Variants in ARPC1A observed in about 807,000 individuals in gnomAD.
ARPC1A encodes the protein actin-related protein 2/3 complex subunit 1A.
Under a neutral mutation model 46.9 loss-of-function variants are expected in ARPC1A, and 8 were observed. The observed-to-expected ratio is 0.17, with a 90% confidence interval of 0.10 to 0.31. The LOEUF is 0.31. Among genes scored for constraint, ARPC1A ranks in the 10% least tolerant of loss-of-function variants. The pLI is 1.00. For synonymous variants in ARPC1A, 152 were observed against 169.0 expected (o/e 0.90, Z 0.78); for missense variants, 286 against 483.6 (o/e 0.59, Z 3.83).
intron 6 of ARPC1A, among the ~76,000 whole-genome samples, chr7:99,355,331 A>G (rs1174814996): frequency 5.3e-5 from 8 of 152,122 alleles, no homozygotes; most frequent in African/African-American, 1.7e-4. Context: ...ACAGACACAA[A>G]TTCTCCGGTT....
chr7:99,338,131 G>C lies in ARPC1A; in HGVS notation c.65-50G>C, dbSNP rs564748361. ...ACAACTGTGACATGTCCCCTTTTTG[G>C]TGACAATTGCAAGTTCAGGTGTTAA... On this transcript the variant is annotated intron_variant, in intron 2 of 9. Transcript: ENST00000262942. 13 of 1,394,554 alleles carry C rather than the reference G, an allele frequency of 9.3e-6. No individual in the cohort carries two copies. The East Asian group carries it at 2.3e-4, about 25-fold the overall frequency. 86.4% of individuals were successfully genotyped at this position (1,394,554 alleles called of 1,614,324 possible).
At chr7:99,358,437 C>T in intron 7 of ARPC1A, 22 bp downstream of exon 7, 1 of 1,605,680 alleles carries the variant, frequency 6.2e-7, no homozygotes, top group South Asian at 1.1e-5. Context: ...TCTTCATTCT[C>T]CCTCGGGGTG....
intron 4 of ARPC1A, 25 bp downstream of exon 4, chr7:99,344,540 A>G (rs756959449): frequency 9.9e-6 from 16 of 1,608,886 alleles, no homozygotes; most frequent in Non-Finnish European, 5.1e-6. Flanking sequence ...AATTTTTTCT[A>G]TCCCTCTCTA....
chr7:99,358,987 T>A (rs1793690774), intron 7 of ARPC1A, among the ~76,000 whole-genome samples: 2 of 151,422 alleles, frequency 1.3e-5, no homozygotes, highest in African/African-American at 2.4e-5. Flanking sequence ...GCCCGCCACC[T>A]CGCCGGGCTA....
At chr7:99,354,244 C>G (rs1277795388) in intron 6 of ARPC1A, 123 bp downstream of exon 6, 3 of 1,144,494 alleles carry the variant, frequency 2.6e-6, no homozygotes, top group Non-Finnish European at 3.6e-6. Flanking sequence ...TTAATCAGGC[C>G]AGGCGTGGTG....
At chr7:99,326,936 C>G (rs1465302700) in intron 1 of ARPC1A, among the ~76,000 whole-genome samples, 1 of 152,190 alleles carries the variant, frequency 6.6e-6, no homozygotes, top group Admixed American at 6.5e-5. Context: ...ATGATAGGCA[C>G]TTAATCAGTT....
At chr7:99,354,889 G>C (rs1032922893) in intron 6 of ARPC1A, among the ~76,000 whole-genome samples, 4 of 151,790 alleles carry the variant, frequency 2.6e-5, no homozygotes, top group African/African-American at 9.7e-5. Context: ...GAGGCGGGCG[G>C]ATCACTTGAG....
chr7:99,350,011 AAAAAACAAAC>A (rs1358558628), intron 5 of ARPC1A, among the ~76,000 whole-genome samples: 3 of 152,152 alleles, frequency 2.0e-5, no homozygotes, highest in East Asian at 1.9e-4. Context: ...ACTCCATCTC[AAAAAACAAAC>A]AAAAACAAAA....
intron 4 of ARPC1A, among the ~76,000 whole-genome samples, chr7:99,345,066 C>T (rs1793424872): frequency 6.6e-6 from 1 of 151,080 alleles, no homozygotes; most frequent in African/African-American, 2.4e-5. Context: ...TCCTGAGTAG[C>T]TGGGATTACA....
At chr7:99,340,388 C>T (rs1055299456) in intron 3 of ARPC1A, among the ~76,000 whole-genome samples, 2 of 152,146 alleles carry the variant, frequency 1.3e-5, no homozygotes, top group African/African-American at 4.8e-5. Context: ...GTCTCAAGCT[C>T]CTGACATCAA....
intron 6 of ARPC1A, among the ~76,000 whole-genome samples, chr7:99,356,603 CT>C (rs1793638837): frequency 8.1e-6 from 1 of 124,148 alleles, no homozygotes; most frequent in African/African-American, 3.3e-5. Context: ...AAGACTCTGT[CT>C]CAAAAAAAAA....
At chr7:99,349,743 G>A (rs1018501427) in intron 5 of ARPC1A, among the ~76,000 whole-genome samples, 2 of 152,154 alleles carry the variant, frequency 1.3e-5, no homozygotes, top group East Asian at 1.9e-4. Flanking sequence ...GGGAGGCTGA[G>A]GCAGGAGAAT....
chr7:99,361,346 A>G (rs1793736703), intron 8 of ARPC1A, among the ~76,000 whole-genome samples: 2 of 151,818 alleles, frequency 1.3e-5, no homozygotes, highest in African/African-American at 4.8e-5. Flanking sequence ...CTACAAAAAA[A>G]TTTTTAAGTT....
chr7:99,361,111 C>T (rs914564985), intron 8 of ARPC1A, among the ~76,000 whole-genome samples: 8 of 152,030 alleles, frequency 5.3e-5, no homozygotes, highest in Non-Finnish European at 8.8e-5. Flanking sequence ...TCTAGACTTC[C>T]TGTTTGAGAG....
chr7:99,366,052 G>T lies in ARPC1A; in HGVS notation c.*123G>T. 8.4e-7 allele frequency: 1 copy of T among 1,195,070 alleles called. No individual in the cohort carries two copies. The highest frequency in any genetic ancestry group is 1.2e-6 in the Non-Finnish European group (1 of 861,320). The allele number at this position is 1,195,070 out of a possible 1,614,324, so 74.0% of individuals were successfully genotyped here. A position where few individuals can be genotyped will look rare whatever the true frequency, so the allele number is the denominator to read the frequency against. ...AAAACACATATCACGCCAATGCCGT[G>T]TGGTTTTGTTTGAATATAAAATTGG... On this transcript the variant is annotated 3_prime_UTR_variant, in exon 10 of 10. Coordinates refer to ENST00000262942, the MANE Select transcript of ARPC1A (RefSeq NM_006409.4).
In ARPC1A at chr7:99,358,384, C is replaced by A. The variant is rs764935367; in HGVS notation, c.758C>A (p.Ser253Ter). 6.2e-7 allele frequency: 1 copy of A among 1,614,066 alleles called. No individual in the cohort carries two copies. Among genetic ancestry groups the A allele is most frequent in the South Asian group, 1.1e-5 (1 of 91,086 alleles). ...GAGTTCCTGCCGCTCCTAAGTGTGT[C>A]ATTTGTCTCAGAGAACAGCGTCGTG... ...KTEFLPLLSV[S>*]FVSENSVVAA... Residue 253 changes from serine to a stop codon, truncating the protein, a stop_gained, in exon 7 of 10, where the codon TCA becomes TAA. Coordinates refer to ENST00000262942, the MANE Select transcript of ARPC1A (RefSeq NM_006409.4). LOFTEE classifies it high-confidence loss of function.
chr7:99,340,455 T>A (rs1050363419), intron 3 of ARPC1A, among the ~76,000 whole-genome samples: 23 of 78,030 alleles, frequency 2.9e-4, no homozygotes, highest in Non-Finnish European at 4.5e-4. Context: ...GACCCTTTTT[T>A]TTCTTTTAGA....
intron 5 of ARPC1A, among the ~76,000 whole-genome samples, chr7:99,349,558 G>A (rs1166689909): frequency 2.6e-5 from 4 of 151,868 alleles, no homozygotes; most frequent in African/African-American, 9.7e-5. Context: ...TACAAAAGAG[G>A]CCGGGCGCAG....
chr7:99,362,383 G>A (rs1204327172), intron 8 of ARPC1A, among the ~76,000 whole-genome samples: 2 of 141,772 alleles, frequency 1.4e-5, no homozygotes, highest in African/African-American at 5.3e-5. Flanking sequence ...CCAGGCTGGA[G>A]TGCAGTGGCA....
Sources: gnomAD v4.1 joint callset for allele counts (sites outside exome capture counted in the v4.1 genomes callset) on GRCh38, gnomAD v4.1.1 for gene constraint, MANE v1.5 for transcripts, NCBI Gene and HGNC (gene_info 2026-07-23, HGNC 2026-07-21) for gene names.